Variants in PLPPR5 observed in about 807,000 individuals in gnomAD.
The protein encoded by PLPPR5 is phospholipid phosphatase related 5.
PLPPR5 carries 16 observed loss-of-function variants against 33.9 expected under a neutral mutation model. That is an observed-to-expected ratio of 0.47 (90% CI 0.32 to 0.72). The LOEUF (loss-of-function observed/expected upper bound fraction) is 0.72, where lower values mean the gene tolerates loss of function less well. Ranked by LOEUF, PLPPR5 falls within the 30% of genes least tolerant of loss-of-function variation. The pLI is 0.03. For synonymous variants in PLPPR5, 163 were observed against 150.3 expected (o/e 1.08, Z -0.62); for missense variants, 301 against 406.7 (o/e 0.74, Z 2.23).
At chr1:98,985,516 A>T (rs187850470) in intron 1 of PLPPR5, among the ~76,000 whole-genome samples, 4 of 152,176 alleles carry the variant, frequency 2.6e-5, no homozygotes. Flanking sequence ...AGTGTTTATG[A>T]AGTCTACAAT....
chr1:98,990,492 G>A (rs1369883794), intron 1 of PLPPR5, among the ~76,000 whole-genome samples: 2 of 152,116 alleles, frequency 1.3e-5, no homozygotes, highest in Non-Finnish European at 2.9e-5. Flanking sequence ...TAAAGATATA[G>A]GAATGTGAAA....
intron 4 of PLPPR5, among the ~76,000 whole-genome samples, chr1:98,919,871 G>A (rs150902345): frequency 0.013 from 2,048 of 152,140 alleles, 17 homozygotes; most frequent in Middle Eastern, 0.017. Flanking sequence ...GCACTATTTT[G>A]TTTAACCTTT....
chr1:98,914,473 G>A (rs1649265248), intron 5 of PLPPR5, among the ~76,000 whole-genome samples: 1 of 152,066 alleles, frequency 6.6e-6, no homozygotes. Context: ...TTTTGGTAAA[G>A]ATGAGGTTTC....
chr1:98,982,242 C>T (rs535907877), intron 1 of PLPPR5, among the ~76,000 whole-genome samples: 94 of 152,072 alleles, frequency 6.2e-4, no homozygotes, highest in African/African-American at 2.2e-3. Context: ...ATTTTACTGG[C>T]GGTGTTAGGT....
intron 5 of PLPPR5, among the ~76,000 whole-genome samples, chr1:98,906,187 ATATATATATAGTGTGTGTG>A (rs1648891554): frequency 1.3e-5 from 2 of 151,234 alleles, no homozygotes. Flanking sequence ...GTGTGTGTAT[ATATATATATAGTGTGTGTG>A]TATATATACA....
chr1:98,940,323 C>T (rs1018545918), intron 3 of PLPPR5, among the ~76,000 whole-genome samples: 1 of 151,760 alleles, frequency 6.6e-6, no homozygotes, highest in Non-Finnish European at 1.5e-5. Flanking sequence ...TCTGCTGTCT[C>T]TTCTTATAAG....
In PLPPR5 at chr1:98,966,542, T is replaced by C. The variant is rs185981101; in HGVS notation, c.238-9801A>G. 5.3e-5 allele frequency among the ~76,000 whole-genome samples: 8 copies of C among 152,296 alleles called. No individual in the cohort carries two copies. In the East Asian group the frequency reaches 1.4e-3, roughly 26 times the overall value. ...TAAAGAATAAAGTAACCTATATATG[T>C]TACTAGCCGTGGTTATAATTGTGGG... is the stretch of plus-strand genomic sequence containing the variant. On this transcript the variant is annotated intron_variant, in intron 1 of 5. Coordinates refer to ENST00000263177, the MANE Select transcript of PLPPR5 (RefSeq NM_001037317.2).
intron 1 of PLPPR5, among the ~76,000 whole-genome samples, chr1:98,976,656 C>G (rs1221921511): frequency 6.6e-6 from 1 of 151,756 alleles, no homozygotes; most frequent in Non-Finnish European, 1.5e-5. Flanking sequence ...GCTGTAAGTG[C>G]AAAATTCAGA....
chr1:98,986,279 T>A (rs1173570891), intron 1 of PLPPR5, among the ~76,000 whole-genome samples: 1 of 151,798 alleles, frequency 6.6e-6, no homozygotes, highest in Non-Finnish European at 1.5e-5. Context: ...GGTATGTTAG[T>A]AAACATGAAA....
At chr1:98,909,886 C>A (rs757775958) in intron 5 of PLPPR5, among the ~76,000 whole-genome samples, 1 of 152,114 alleles carries the variant, frequency 6.6e-6, no homozygotes, top group Admixed American at 6.6e-5. Context: ...ATGATTAATT[C>A]TTTTCACAAA....
intron 1 of PLPPR5, among the ~76,000 whole-genome samples, chr1:99,001,681 T>TATATATATATAC (rs1652855223): frequency 7.0e-6 from 1 of 142,322 alleles, no homozygotes; most frequent in African/African-American, 2.6e-5. Flanking sequence ...GATATATATA[T>TATATATATATAC]ATATATATAT....
chr1:98,943,635 T>C (rs1011213224), intron 3 of PLPPR5, among the ~76,000 whole-genome samples: 2 of 152,158 alleles, frequency 1.3e-5, no homozygotes, highest in Non-Finnish European at 2.9e-5. Context: ...AACTACTTAT[T>C]AGGGGAATTT....
intron 3 of PLPPR5, among the ~76,000 whole-genome samples, chr1:98,928,049 T>C (rs867498363): frequency 5.3e-5 from 8 of 152,204 alleles, no homozygotes; most frequent in African/African-American, 1.9e-4. Flanking sequence ...CTCATTTAAC[T>C]ACTGAAGCTA....
intron 1 of PLPPR5, among the ~76,000 whole-genome samples, chr1:98,969,094 C>G (rs1651555528): frequency 6.6e-6 from 1 of 152,034 alleles, no homozygotes; most frequent in Non-Finnish European, 1.5e-5. Context: ...CAGTGTTTTC[C>G]AAACTTATTT....
chr1:98,910,641 C>T (rs768090849), intron 5 of PLPPR5, among the ~76,000 whole-genome samples: 1 of 152,154 alleles, frequency 6.6e-6, no homozygotes, highest in African/African-American at 2.4e-5. Flanking sequence ...TTCAGGGTAG[C>T]AGATGGCCAG....
At chr1:98,986,725 CTT>C (rs998247274) in intron 1 of PLPPR5, among the ~76,000 whole-genome samples, 2 of 151,892 alleles carry the variant, frequency 1.3e-5, no homozygotes, top group African/African-American at 4.8e-5. Context: ...GAAGGTAACT[CTT>C]TATGTTTTTC....
chr1:98,933,685 C>T (rs1650068882), intron 3 of PLPPR5, among the ~76,000 whole-genome samples: 1 of 152,178 alleles, frequency 6.6e-6, no homozygotes, highest in African/African-American at 2.4e-5. Context: ...AGCTCCGAAA[C>T]CTGAGAAACT....
chr1:98,896,991 T>C (rs1446664008), intron 5 of PLPPR5, among the ~76,000 whole-genome samples: 1 of 146,688 alleles, frequency 6.8e-6, no homozygotes, highest in African/African-American at 2.5e-5. Flanking sequence ...AGGGAAGTCT[T>C]TGGAATTACA....
At chr1:98,929,714 A>G (rs1649897414) in intron 3 of PLPPR5, among the ~76,000 whole-genome samples, 1 of 152,212 alleles carries the variant, frequency 6.6e-6, no homozygotes, top group South Asian at 2.1e-4. Context: ...GCCATGGCTG[A>G]TATTACATGG....
Sources: gnomAD v4.1 joint callset for allele counts (sites outside exome capture counted in the v4.1 genomes callset) on GRCh38, gnomAD v4.1.1 for gene constraint, MANE v1.5 for transcripts, NCBI Gene and HGNC (gene_info 2026-07-23, HGNC 2026-07-21) for gene names.